The following ZNF182 variants were observed in gnomAD, a reference collection of about 807,000 sequenced individuals.
ZNF182 encodes zinc finger protein 182.
A neutral mutation model predicts 28.1 loss-of-function variants in ZNF182; 10 were observed. The observed-to-expected ratio is 0.36, with a 90% CI of 0.22 to 0.60. The LOEUF (loss-of-function observed/expected upper bound fraction) is 0.60. Among genes scored for constraint, ZNF182 ranks in the 20% least tolerant of loss-of-function variants. The pLI, the probability that ZNF182 is intolerant of heterozygous loss-of-function variation, is 0.75. For missense variants in ZNF182, 352 were observed against 453.2 expected, an observed-to-expected ratio of 0.78 and a Z score of 2.03; for synonymous variants, 156 against 158.7, an observed-to-expected ratio of 0.98 and a Z score of 0.13.
intron 3 of ZNF182, among the ~76,000 whole-genome samples, chrX:47,986,324 C>T (rs2058923100): frequency 8.9e-6 from 1 of 112,618 alleles, no homozygotes; most frequent in Non-Finnish European, 1.9e-5. Context: ...TATGTCTGTG[C>T]ATGTTTACAC....
In ZNF182 at chrX:47,977,430, T is replaced by G. The variant is rs1556898422; in HGVS notation, c.600A>C (p.Lys200Asn). The G allele has an allele frequency of 1.7e-6, 2 of 1,209,436 alleles. No individual in the cohort carries two copies. The highest frequency in any genetic ancestry group is 1.7e-5 in the African/African-American group (1 of 57,310). ...KECGKGLRRK[K>N]GLSLHQRIKN... The stretch of plus-strand genomic sequence containing the variant: ...TAATTCTCTGATGTAGACTAAGGCC[T>G]TTCTTTCGCCTAAGACCTTTCCCAC... The change falls in exon 6 of 6, where the codon AAA becomes AAC. Residue 200 changes from lysine to asparagine, a missense_variant. Coordinates refer to ENST00000376943, the MANE Select transcript of ZNF182 (RefSeq NM_001007088.2).
chrX:47,976,466 G>T lies in ZNF182; in HGVS notation c.1564C>A (p.Pro522Thr), dbSNP rs782031564. 1 of 1,209,696 alleles carries T rather than the reference G, an allele frequency of 8.3e-7. No homozygotes were observed. Among genetic ancestry groups the T allele is most frequent in the African/African-American group, 1.7e-5 (1 of 57,197 alleles). Residue 522 changes from proline to threonine, a missense_variant, in exon 6 of 6, where the codon CCT (proline) becomes ACT (threonine). Coordinates refer to ENST00000376943, the MANE Select transcript of ZNF182 (RefSeq NM_001007088.2). The stretch of plus-strand genomic sequence containing the variant: ...TTCCAACACACAGGACATTCATAAG[G>T]TTTCTCTCCTGTATGAATTCTCTGA... ...IHQRIHTGEK[P>T]YECPVCWKAF... is the part of the protein sequence containing the mutation.
intron 3 of ZNF182, among the ~76,000 whole-genome samples, chrX:47,989,421 C>T (rs1269685028): frequency 1.2e-4 from 6 of 48,363 alleles, no homozygotes; most frequent in Non-Finnish European, 2.2e-4. Context: ...AGTGAGACTT[C>T]GTCTCAAAAA....
chrX:47,977,221 G>A lies in ZNF182; in HGVS notation c.809C>T (p.Pro270Leu), dbSNP rs782577984. ...TTTTCCACATTCAGGACACTCAAAG[G>A]GTCTCTCTCCTGTATGAGTTCGCAA... ...IHLRTHTGER[P>L]FECPECGKAF... is the part of the protein sequence containing the mutation. Residue 270 changes from proline to leucine, a missense_variant, in exon 6 of 6, where the codon CCC (proline) becomes CTC (leucine). Transcript: ENST00000376943. 2 of 1,206,679 alleles carry A rather than the reference G, an allele frequency of 1.7e-6. No homozygotes were observed. The highest frequency in any genetic ancestry group is 1.8e-5 in the African/African-American group (1 of 57,014).
Position 47,976,845 on chromosome X carries a change from C to T in ZNF182, c.1185G>A (p.Lys395=). 1 of 1,208,509 alleles carries T rather than the reference C, an allele frequency of 8.3e-7. No individual in the cohort carries two copies. The highest frequency in any genetic ancestry group is 1.1e-6 in the Non-Finnish European group (1 of 893,976). The change falls in exon 6 of 6, where the codon AAG becomes AAA. Residue 395 remains lysine (K), a synonymous_variant. Transcript: ENST00000376943. ...CTECGKSFNE[K]STLIVHQRTH... Reference sequence around the variant, plus strand: ...TTCTTTGATGCACAATGAGGGTTGACTTCTCATTGAAAGACTTCCCACATT... The same window carrying T: ...TTCTTTGATGCACAATGAGGGTTGATTTCTCATTGAAAGACTTCCCACATT...
intron 5 of ZNF182, among the ~76,000 whole-genome samples, chrX:47,982,248 T>C (rs981746055): frequency 2.7e-5 from 3 of 111,739 alleles, no homozygotes; most frequent in Non-Finnish European, 5.6e-5. Flanking sequence ...TCTATTTAAA[T>C]AAAATGTCCA....
intron 3 of ZNF182, 147 bp downstream of exon 3, chrX:48,002,448 T>A (rs1416497536): frequency 1.2e-5 from 10 of 815,090 alleles, no homozygotes; most frequent in Non-Finnish European, 1.6e-5. Flanking sequence ...ACCTCTACAT[T>A]CTAATTTGGC....
chrX:48,003,721 T>G lies in ZNF182; in HGVS notation c.-239-19A>C, dbSNP rs939094723. 9.0e-6 allele frequency: 1 copy of G among 111,562 alleles called. No homozygotes were observed. Among genetic ancestry groups the G allele is most frequent in the Admixed American group, 9.4e-5 (1 of 10,605 alleles). The allele number at this position is 111,562 out of a possible 1,213,427, so 9.2% of individuals were successfully genotyped here. A position where few individuals can be genotyped will look rare whatever the true frequency, so the allele number is the denominator to read the frequency against. ...CACTGTGCTGGAAAACGTGTAAAAGTCAAAGTTTAATAAGCCCCATTTAAT... is the reference window on the plus strand; with the variant it reads ...CACTGTGCTGGAAAACGTGTAAAAGGCAAAGTTTAATAAGCCCCATTTAAT... On this transcript the variant is annotated intron_variant, in intron 1 of 5. Transcript: ENST00000376943.
In ZNF182 at chrX:47,983,430, T is replaced by C. The variant is rs2058913244; in HGVS notation, c.16-19A>G. 8.5e-7 allele frequency: 1 copy of C among 1,180,570 alleles called. No individual in the cohort carries two copies. The highest frequency in any genetic ancestry group is 2.5e-5 in the Admixed American group (1 of 40,756). ...CTAGCCCCTGTAATGGTACATTCCT[T>C]TTATTTTAAAATGCTGACCACTAGA... On this transcript the variant is annotated intron_variant, in intron 3 of 5. Coordinates refer to ENST00000376943, the MANE Select transcript of ZNF182 (RefSeq NM_001007088.2).
Position 47,992,279 on chromosome X carries a change from T to C in ZNF182, c.16-8868A>G, listed in dbSNP as rs782208433. Among the ~76,000 whole-genome samples, 10 of 112,165 alleles carry C rather than the reference T, an allele frequency of 8.9e-5. No individual in the cohort carries two copies. The South Asian group carries it at 2.6e-3, about 29-fold the overall frequency. On this transcript the variant is annotated intron_variant, in intron 3 of 5. Transcript: ENST00000376943. Reference sequence around the variant, plus strand: ...CATCCACTTTGAATATAAGTTGGACTTTCTCAAACAAGAAGCAGGACTCAG... The same window carrying C: ...CATCCACTTTGAATATAAGTTGGACCTTCTCAAACAAGAAGCAGGACTCAG...
chrX:47,991,028 T>C (rs782401226), intron 3 of ZNF182, among the ~76,000 whole-genome samples: 1 of 112,107 alleles, frequency 8.9e-6, no homozygotes, highest in African/African-American at 3.2e-5. Flanking sequence ...GCTTGAATTA[T>C]AATTGTTATG....
chrX:47,982,852 T>C, intron 5 of ZNF182, 97 bp downstream of exon 5: 1 of 844,498 alleles, frequency 1.2e-6, no homozygotes, highest in South Asian at 2.3e-5. Context: ...CAGAACCTTT[T>C]CCTAAGATAT....
chrX:47,988,498 G>A (rs1569410012), intron 3 of ZNF182: 9 of 473,401 alleles, frequency 1.9e-5, no homozygotes, highest in Admixed American at 1.5e-4. Context: ...CCCCACTCTT[G>A]CTCCCACTCT....
chrX:47,980,793 T>C (rs1556899010), intron 5 of ZNF182, among the ~76,000 whole-genome samples: 1 of 112,158 alleles, frequency 8.9e-6, no homozygotes, highest in Non-Finnish European at 1.9e-5. Flanking sequence ...GTTTTCTGTG[T>C]TGGACTTTGG....
intron 2 of ZNF182, among the ~76,000 whole-genome samples, chrX:48,002,915 T>A (rs2146478070): frequency 8.9e-6 from 1 of 112,599 alleles, no homozygotes; most frequent in African/African-American, 3.2e-5. Context: ...CTTAAGGAAA[T>A]AATTTATCAT....
Position 47,976,619 on chromosome X carries a change from C to G in ZNF182, c.1411G>C (p.Glu471Gln). ...TTCTGTGAAAATGCTTTTTCACATT[C>G]ATTGCACTCGTAAGGTTTCTCTCCT... Reference protein sequence around the residue: ...HTGEKPYECNECEKAFSQKSY... With the variant: ...HTGEKPYECNQCEKAFSQKSY... Residue 471 changes from glutamate (E) to glutamine (Q), a missense_variant, in exon 6 of 6, where the codon GAA becomes CAA. By Grantham distance (29) the Glu-to-Gln change is conservative. Coordinates refer to ENST00000376943, the MANE Select transcript of ZNF182 (RefSeq NM_001007088.2). The G allele has an allele frequency of 8.3e-7, 1 of 1,209,663 alleles. No individual in the cohort carries two copies. The highest frequency in any genetic ancestry group is 1.8e-5 in the South Asian group (1 of 56,577).
chrX:47,992,692 T>C (rs1214049392), intron 3 of ZNF182, among the ~76,000 whole-genome samples: 2 of 111,495 alleles, frequency 1.8e-5, no homozygotes, highest in African/African-American at 6.5e-5. Flanking sequence ...CCCTCTTCCG[T>C]CTGGACCTGT....
At chrX:47,984,196 G>C (rs2058916303) in intron 3 of ZNF182, among the ~76,000 whole-genome samples, 2 of 111,439 alleles carry the variant, frequency 1.8e-5, no homozygotes, top group African/African-American at 3.3e-5. Context: ...TTAGCAATCA[G>C]GTAAGTGAAA....
At chrX:47,992,083 C>G (rs1332011670) in intron 3 of ZNF182, among the ~76,000 whole-genome samples, 2 of 111,293 alleles carry the variant, frequency 1.8e-5, no homozygotes, top group Admixed American at 1.9e-4. Context: ...CAACAAGCAC[C>G]CAGCCAGGAA....
Sources: allele counts gnomAD v4.1 joint callset (sites outside exome capture counted in the v4.1 genomes callset), GRCh38; gene constraint gnomAD v4.1.1; transcripts MANE v1.5; gene names NCBI Gene and HGNC (gene_info 2026-07-23, HGNC 2026-07-21).